Variants in UBE4B observed in about 807,000 individuals in gnomAD.
UBE4B encodes ubiquitination factor E4B.
In UBE4B, 27 loss-of-function variants were observed where a neutral mutation model predicts 148.1. That is an observed-to-expected ratio of 0.18 (90% confidence interval 0.13 to 0.25). The LOEUF is 0.25. UBE4B is among the 10% of genes least tolerant of loss of function. UBE4B has a pLI of 1.00. For synonymous variants in UBE4B, 596 were observed against 619.3 expected (o/e 0.96, Z 0.56); for missense variants, 1,170 against 1,662.4 (o/e 0.70, Z 5.15).
chr1:10,124,624 G>A (rs1191433730), intron 10 of UBE4B, among the ~76,000 whole-genome samples: 2 of 152,196 alleles, frequency 1.3e-5, no homozygotes, highest in African/African-American at 4.8e-5. Flanking sequence ...CTGTTGGACT[G>A]CAAAGCAGCA....
At chr1:10,087,023 G>A (rs1464420834) in intron 2 of UBE4B, among the ~76,000 whole-genome samples, 3 of 152,158 alleles carry the variant, frequency 2.0e-5, no homozygotes, top group Admixed American at 6.5e-5. Context: ...CAAGACCAGA[G>A]CAGATGTTGT....
At chr1:10,172,928 G>A (rs1646359145) in intron 25 of UBE4B, among the ~76,000 whole-genome samples, 3 of 152,092 alleles carry the variant, frequency 2.0e-5, no homozygotes, top group South Asian at 2.1e-4. Flanking sequence ...TACAACTGCC[G>A]ACAGGATTCA....
intron 2 of UBE4B, among the ~76,000 whole-genome samples, chr1:10,085,237 C>T (rs999746092): frequency 6.6e-6 from 1 of 152,170 alleles, no homozygotes; most frequent in African/African-American, 2.4e-5. Flanking sequence ...TGTCACCATA[C>T]CCATCCCCTA....
chr1:10,046,030 T>C (rs1643906522), intron 1 of UBE4B, among the ~76,000 whole-genome samples: 1 of 152,160 alleles, frequency 6.6e-6, no homozygotes, highest in Non-Finnish European at 1.5e-5. Context: ...CCAGGTGCCT[T>C]CTGTCTTGTA....
intron 7 of UBE4B, among the ~76,000 whole-genome samples, chr1:10,116,087 T>C (rs765046926): frequency 3.3e-5 from 5 of 152,192 alleles, no homozygotes; most frequent in Non-Finnish European, 7.3e-5. Flanking sequence ...TAGACATTAA[T>C]TGTGTGTCCT....
intron 8 of UBE4B, among the ~76,000 whole-genome samples, chr1:10,117,905 C>G (rs1645341024): frequency 1.3e-5 from 2 of 152,206 alleles, no homozygotes. Context: ...CCTGATAATT[C>G]TACTGCTTTG....
rs1645699386 is a variant in UBE4B at position 10,137,072 on chromosome 1, G to C, written c.2230G>C (p.Asp744His). The change falls in exon 17 of 28, where the codon GAT becomes CAT. Residue 744 changes from aspartate (D) to histidine (H), a missense_variant. Around this residue, in one of 6 missense-constraint regions of UBE4B, gnomAD observed 388 missense variants for 536.0 expected, o/e 0.72. Transcript: ENST00000343090. ...AATGATGTTATTTTTCCTAGATGGC[G>C]ATCAGCCTCCATTTTCTGAGCCGAA... ...VNDWLTELYGDQPPFSEPKFP... is the reference protein window; with the variant it reads ...VNDWLTELYGHQPPFSEPKFP... 1 of 1,614,024 alleles carries C rather than the reference G, an allele frequency of 6.2e-7. No individual in the cohort carries two copies. The highest frequency in any genetic ancestry group is 8.5e-7 in the Non-Finnish European group (1 of 1,179,982).
chr1:10,170,303 C>T (rs1484834338), intron 24 of UBE4B, among the ~76,000 whole-genome samples: 1 of 152,158 alleles, frequency 6.6e-6, no homozygotes, highest in Non-Finnish European at 1.5e-5. Context: ...AGCTTCTCAA[C>T]AGTGAAATAC....
At chr1:10,035,153 C>T (rs556979883) in intron 1 of UBE4B, among the ~76,000 whole-genome samples, 38 of 151,712 alleles carry the variant, frequency 2.5e-4, no homozygotes, top group Non-Finnish European at 4.6e-4. Flanking sequence ...CGCCCGCTAC[C>T]ACGCCCGGCT....
intron 21 of UBE4B, among the ~76,000 whole-genome samples, chr1:10,152,793 G>T (rs1431462558): frequency 1.3e-5 from 2 of 151,488 alleles, no homozygotes; most frequent in Admixed American, 6.6e-5. Context: ...GCAAGACTCC[G>T]TCTCAAAAAA....
At position 10,047,488 on chromosome 1, in the gene UBE4B, CTTTTTTTTTTTT is replaced by C. The variant is rs952378949; in HGVS notation, c.24+13806_24+13817del. On this transcript the variant is annotated intron_variant, in intron 1 of 27. Transcript: ENST00000343090. ...AGCATGGCCAGAAAGCTTCATATAT[CTTTTTTTTTTTT>C]TTTTTTTTTTTGAGATGGAGTCTCA... Among the ~76,000 whole-genome samples, 329 of 116,046 alleles carry C rather than the reference CTTTTTTTTTTTT, an allele frequency of 2.8e-3. 3 individuals carry two copies. Among genetic ancestry groups the C allele is most frequent in the African/African-American group, 0.011 (312 of 28,440 alleles). 76.1% of individuals were successfully genotyped at this position (116,046 alleles called of 152,430 possible).
intron 2 of UBE4B, among the ~76,000 whole-genome samples, chr1:10,088,560 G>GA (rs963540009): frequency 2.6e-5 from 4 of 151,988 alleles, no homozygotes; most frequent in Admixed American, 2.6e-4. Flanking sequence ...ATTTTTAGTA[G>GA]AGACGGGGTT....
intron 10 of UBE4B, among the ~76,000 whole-genome samples, chr1:10,122,739 CA>C (rs1446176586): frequency 1.3e-5 from 2 of 152,212 alleles, no homozygotes; most frequent in African/African-American, 4.8e-5. Flanking sequence ...TTGCCTTTAG[CA>C]ACTGTCACAC....
chr1:10,170,170 A>G (rs1465570328), intron 24 of UBE4B, among the ~76,000 whole-genome samples: 1 of 152,200 alleles, frequency 6.6e-6, no homozygotes, highest in East Asian at 1.9e-4. Flanking sequence ...GACAAAGTGT[A>G]AAGGCATTTC....
chr1:10,102,532 T>C (rs1167506361), intron 4 of UBE4B, among the ~76,000 whole-genome samples: 2 of 148,444 alleles, frequency 1.3e-5, no homozygotes, highest in Non-Finnish European at 3.0e-5. Flanking sequence ...TGCCTCAGCC[T>C]CCCAAGTAGC....
intron 2 of UBE4B, among the ~76,000 whole-genome samples, chr1:10,087,630 C>T (rs1644785303): frequency 6.6e-6 from 1 of 152,158 alleles, no homozygotes; most frequent in Admixed American, 6.5e-5. Flanking sequence ...AAGATTATGT[C>T]ACACAGGTGA....
chr1:10,157,678 T>C lies in UBE4B; in HGVS notation c.2927-678T>C, dbSNP rs184041999. On this transcript the variant is annotated intron_variant, in intron 21 of 27. Transcript: ENST00000343090. The stretch of plus-strand genomic sequence containing the variant: ...CTATAGTCCCAGCTACTAGGGAGGC[T>C]GAGGCAGGAGAATTGCTTGAACCCC... Among the ~76,000 whole-genome samples, 1,352 of 152,166 alleles carry C rather than the reference T, an allele frequency of 8.9e-3. 7 individuals carry two copies. The highest frequency in any genetic ancestry group is 0.015 in the Non-Finnish European group (1,011 of 68,010).
At chr1:10,165,116 T>A (rs1646226944) in intron 23 of UBE4B, among the ~76,000 whole-genome samples, 1 of 152,188 alleles carries the variant, frequency 6.6e-6, no homozygotes, top group South Asian at 2.1e-4. Context: ...GGCTCAGATC[T>A]GACTGCAGAC....
chr1:10,169,141 A>G (rs1216362257), intron 24 of UBE4B, among the ~76,000 whole-genome samples: 1 of 152,204 alleles, frequency 6.6e-6, no homozygotes, highest in African/African-American at 2.4e-5. Flanking sequence ...ACTGAGCAGC[A>G]TCACTGAAGA....
Sources: allele counts gnomAD v4.1 joint callset (sites outside exome capture counted in the v4.1 genomes callset), GRCh38; gene constraint gnomAD v4.1.1; regional missense constraint gnomAD v4.1.1; transcripts MANE v1.5; gene names NCBI Gene and HGNC (gene_info 2026-07-23, HGNC 2026-07-21).